Variants in QTMAN observed in about 807,000 individuals in gnomAD.
The protein encoded by QTMAN is queuosine-tRNA mannosyltransferase.
the QTMAN span, among the ~76,000 whole-genome samples, chr2:144,311,642 T>A: frequency 1.3e-5 from 2 of 152,248 alleles, no homozygotes; most frequent in Non-Finnish European, 2.9e-5. Flanking sequence ...TATTCCCTCA[T>A]GCCAGAATGC....
the QTMAN span, among the ~76,000 whole-genome samples, chr2:144,096,381 C>A: frequency 1.3e-5 from 2 of 152,140 alleles, no homozygotes; most frequent in Admixed American, 1.3e-4. Context: ...TTATTAGGGT[C>A]ATTGCTTGAA....
the QTMAN span, among the ~76,000 whole-genome samples, chr2:144,215,044 A>G: frequency 8.5e-4 from 130 of 152,150 alleles, 1 homozygote; most frequent in African/African-American, 2.9e-3. Context: ...GGAGTTTGAA[A>G]CCAGCCTGGG....
chr2:144,246,536 G>A, the QTMAN span, among the ~76,000 whole-genome samples: 1 of 138,588 alleles, frequency 7.2e-6, no homozygotes, highest in African/African-American at 2.8e-5. Context: ...TTGCGCCACT[G>A]CAGTCCGCAG....
At chr2:144,177,780 T>A in the QTMAN span, among the ~76,000 whole-genome samples, 2 of 152,184 alleles carry the variant, frequency 1.3e-5, no homozygotes, top group African/African-American at 4.8e-5. Context: ...GAACAATATA[T>A]GCAATTTTCA....
At chr2:144,275,447 G>C in the QTMAN span, among the ~76,000 whole-genome samples, 1 of 151,376 alleles carries the variant, frequency 6.6e-6, no homozygotes, top group East Asian at 1.9e-4. Flanking sequence ...TTCCCTGTCA[G>C]GGACATTGGC....
the QTMAN span, among the ~76,000 whole-genome samples, chr2:144,104,750 A>C: frequency 6.6e-6 from 1 of 152,344 alleles, no homozygotes; most frequent in South Asian, 2.1e-4. Flanking sequence ...AACAGCTTTG[A>C]AGAGAGTAGT....
At chr2:144,248,762 A>G in the QTMAN span, among the ~76,000 whole-genome samples, 1 of 151,536 alleles carries the variant, frequency 6.6e-6, no homozygotes, top group Non-Finnish European at 1.5e-5. Flanking sequence ...AAAAAAAAAC[A>G]GAGTATTGAC....
chr2:144,241,972 C>T, the QTMAN span, among the ~76,000 whole-genome samples: 1 of 151,894 alleles, frequency 6.6e-6, no homozygotes, highest in East Asian at 1.9e-4. Context: ...AGGTGGAAAA[C>T]AGAAATAACT....
At chr2:144,234,772 C>T in the QTMAN span, among the ~76,000 whole-genome samples, 4 of 152,124 alleles carry the variant, frequency 2.6e-5, no homozygotes, top group Non-Finnish European at 5.9e-5. Context: ...GATCCCCTGC[C>T]CAGTTTTGTT....
At chr2:144,137,817 T>C in the QTMAN span, among the ~76,000 whole-genome samples, 1 of 152,086 alleles carries the variant, frequency 6.6e-6, no homozygotes, top group Non-Finnish European at 1.5e-5. Context: ...ACAATACACA[T>C]GAAACTTTTT....
At chr2:144,183,769 G>C in the QTMAN span, among the ~76,000 whole-genome samples, 1 of 152,152 alleles carries the variant, frequency 6.6e-6, no homozygotes, top group South Asian at 2.1e-4. Flanking sequence ...CGGACATCTT[G>C]AAGAATCCTT....
At chr2:144,277,824 TAGA>T in the QTMAN span, among the ~76,000 whole-genome samples, 3 of 152,112 alleles carry the variant, frequency 2.0e-5, no homozygotes, top group East Asian at 1.9e-4. Flanking sequence ...GTGGCAGATA[TAGA>T]AGATTTGTCC....
At chr2:144,174,971 G>A in the QTMAN span, among the ~76,000 whole-genome samples, 1 of 152,136 alleles carries the variant, frequency 6.6e-6, no homozygotes, top group Non-Finnish European at 1.5e-5. Flanking sequence ...AACATAAAAG[G>A]TATTTGCTGT....
At chr2:144,151,160 T>A in the QTMAN span, among the ~76,000 whole-genome samples, 1 of 152,332 alleles carries the variant, frequency 6.6e-6, no homozygotes, top group East Asian at 1.9e-4. Flanking sequence ...TTTTATTTTA[T>A]TCTTTCCACT....
the QTMAN span, among the ~76,000 whole-genome samples, chr2:144,030,748 G>T: frequency 3.7e-4 from 56 of 152,182 alleles, no homozygotes; most frequent in Non-Finnish European, 7.3e-5. Context: ...CAGGGAGAAA[G>T]ATATGCAATT....
the QTMAN span, chr2:144,142,136 T>C: frequency 3.3e-6 from 3 of 913,436 alleles, no homozygotes; most frequent in Non-Finnish European, 1.7e-6. Flanking sequence ...CCTCTATGGA[T>C]TAATCAGAGT....
the QTMAN span, among the ~76,000 whole-genome samples, chr2:144,304,092 T>C: frequency 6.6e-6 from 1 of 152,070 alleles, no homozygotes; most frequent in East Asian, 1.9e-4. Flanking sequence ...AGAACAAATA[T>C]GAGAGAACAA....
chr2:143,969,705 A>G, the QTMAN span, among the ~76,000 whole-genome samples: 1 of 152,206 alleles, frequency 6.6e-6, no homozygotes, highest in Non-Finnish European at 1.5e-5. Context: ...GATAAAATAG[A>G]AATAAACAGG....
the QTMAN span, among the ~76,000 whole-genome samples, chr2:144,021,984 TTAC>T: frequency 6.6e-6 from 1 of 152,088 alleles, no homozygotes; most frequent in Admixed American, 6.5e-5. Flanking sequence ...AGATAAGAAA[TTAC>T]TACAATTTTG....
Sources: gnomAD v4.1 joint callset for allele counts (sites outside exome capture counted in the v4.1 genomes callset) on GRCh38, gnomAD v4.1.1 for gene constraint, MANE v1.5 for transcripts, NCBI Gene and HGNC (gene_info 2026-07-23, HGNC 2026-07-21) for gene names.